Variants in TAFA1 observed in about 807,000 individuals in gnomAD.
TAFA1 encodes chemokine-like protein TAFA-1.
In TAFA1, 4 loss-of-function variants were observed where a neutral mutation model predicts 18.5. That is an observed-to-expected ratio of 0.22 (90% CI 0.11 to 0.49). The LOEUF (loss-of-function observed/expected upper bound fraction) is 0.49, where lower values mean the gene tolerates loss of function less well. Ranked by LOEUF, TAFA1 falls within the 20% of genes least tolerant of loss-of-function variation. The probability of loss-of-function intolerance (pLI) is 0.98; values close to 1 mark genes in which losing one functional copy is unlikely to be tolerated. For synonymous variants in TAFA1, 56 were observed against 55.2 expected (o/e 1.01, Z -0.06); for missense variants, 147 against 169.0 (o/e 0.87, Z 0.72).
intron 2 of TAFA1, among the ~76,000 whole-genome samples, chr3:68,219,734 C>A (rs1333258310): frequency 1.3e-5 from 2 of 152,186 alleles, no homozygotes; most frequent in East Asian, 3.9e-4. Flanking sequence ...GATTAGTAAC[C>A]TAATCAAGGG....
chr3:67,999,975 G>A (rs1704267217), upstream of TAFA1, among the ~76,000 whole-genome samples: 2 of 152,044 alleles, frequency 1.3e-5, no homozygotes, highest in Non-Finnish European at 2.9e-5. Flanking sequence ...TTTTAGTAGA[G>A]ACAGGGTTTC....
At chr3:68,028,638 C>T (rs1704867222) in intron 2 of TAFA1, among the ~76,000 whole-genome samples, 1 of 152,078 alleles carries the variant, frequency 6.6e-6, no homozygotes, top group Admixed American at 6.6e-5. Flanking sequence ...TGGATGCTGA[C>T]TTGTGGATTG....
intron 2 of TAFA1, among the ~76,000 whole-genome samples, chr3:68,009,370 A>G (rs1240625896): frequency 3.3e-5 from 5 of 152,218 alleles, no homozygotes. Flanking sequence ...TTTAAAACTG[A>G]GAATCACATA....
intron 3 of TAFA1, among the ~76,000 whole-genome samples, chr3:68,422,385 C>A (rs1344048037): frequency 6.6e-6 from 1 of 152,084 alleles, no homozygotes; most frequent in Non-Finnish European, 1.5e-5. Flanking sequence ...ATAGTTTATA[C>A]ACCACGTTTG....
At chr3:68,475,014 C>T (rs945903165) in intron 3 of TAFA1, among the ~76,000 whole-genome samples, 1 of 151,802 alleles carries the variant, frequency 6.6e-6, no homozygotes, top group Non-Finnish European at 1.5e-5. Context: ...ACTTCTTTAT[C>T]AAAGAAGCTC....
intron 2 of TAFA1, among the ~76,000 whole-genome samples, chr3:68,304,204 A>G (rs4855326): frequency 0.026 from 3,944 of 152,338 alleles, 88 homozygotes; most frequent in East Asian, 0.098. Context: ...AATGATATAT[A>G]CTTGATATGA....
intron 2 of TAFA1, among the ~76,000 whole-genome samples, chr3:68,261,074 GA>G (rs897071618): frequency 2.3e-4 from 33 of 146,406 alleles, no homozygotes; most frequent in Non-Finnish European, 2.9e-4. Context: ...AAATTTACAA[GA>G]AAAAAAAAAC....
At chr3:68,483,116 C>T (rs890922501) in intron 3 of TAFA1, among the ~76,000 whole-genome samples, 1 of 152,256 alleles carries the variant, frequency 6.6e-6, no homozygotes, top group African/African-American at 2.4e-5. Flanking sequence ...GCATCCAGGC[C>T]TCAGCAAGTA....
intron 2 of TAFA1, among the ~76,000 whole-genome samples, chr3:68,093,236 C>G (rs571025944): frequency 1.3e-5 from 2 of 152,160 alleles, no homozygotes; most frequent in Admixed American, 1.3e-4. Flanking sequence ...GTCACTGAGC[C>G]TCTTTCTGTA....
intron 2 of TAFA1, among the ~76,000 whole-genome samples, chr3:68,082,700 C>G (rs73834818): frequency 6.6e-6 from 1 of 151,986 alleles, no homozygotes; most frequent in Non-Finnish European, 1.5e-5. Context: ...TATTATAATA[C>G]TTTGTTTATG....
chr3:68,120,177 CTTT>C (rs2065374972), intron 2 of TAFA1, among the ~76,000 whole-genome samples: 2 of 15,740 alleles, frequency 1.3e-4, no homozygotes, highest in Admixed American at 1.8e-3. Context: ...CTTTCTCTTT[CTTT>C]CTTTCTTTCT....
intron 2 of TAFA1, among the ~76,000 whole-genome samples, chr3:68,271,676 C>A (rs556173441): frequency 6.6e-6 from 1 of 151,976 alleles, no homozygotes. Flanking sequence ...GTGTTTGTGT[C>A]GAATACCCCA....
chr3:68,036,815 A>G (rs1308991079), intron 2 of TAFA1, among the ~76,000 whole-genome samples: 2 of 152,218 alleles, frequency 1.3e-5, no homozygotes, highest in Non-Finnish European at 2.9e-5. Context: ...CCAAAGAGAT[A>G]CTGACTTCAA....
At chr3:68,378,482 G>T (rs1318273829) in intron 2 of TAFA1, among the ~76,000 whole-genome samples, 2 of 152,040 alleles carry the variant, frequency 1.3e-5, no homozygotes, top group African/African-American at 4.8e-5. Flanking sequence ...TGATTTTTTA[G>T]GCTCATAAAA....
chr3:68,374,088 T>TTGCC (rs1467209207), intron 2 of TAFA1, among the ~76,000 whole-genome samples: 4 of 152,118 alleles, frequency 2.6e-5, no homozygotes, highest in African/African-American at 9.7e-5. Flanking sequence ...ACCCTCCTCT[T>TTGCC]TGCATCTCTA....
At chr3:68,171,814 A>T (rs1199571850) in intron 2 of TAFA1, among the ~76,000 whole-genome samples, 1 of 152,188 alleles carries the variant, frequency 6.6e-6, no homozygotes, top group Non-Finnish European at 1.5e-5. Context: ...AAAAAAAATC[A>T]ATGGCAAATC....
chr3:68,416,239 C>T (rs1358057564), intron 2 of TAFA1, among the ~76,000 whole-genome samples: 2 of 152,164 alleles, frequency 1.3e-5, no homozygotes, highest in African/African-American at 2.4e-5. Flanking sequence ...TTCTCTCCTT[C>T]CTTTCTCCCT....
At position 68,081,167 on chromosome 3, in the gene TAFA1, C is replaced by G. The variant is rs906702612; in HGVS notation, c.118+74423C>G. 3.9e-5 allele frequency among the ~76,000 whole-genome samples: 6 copies of G among 152,318 alleles called. No individual in the cohort carries two copies. In the South Asian group the frequency reaches 1.2e-3, roughly 32 times the overall value. ...GAGCCTTGGTTTTCATCTCCATCAGCTCCTTTAAGCACTTCTTTGTATTGG... is the reference window on the plus strand; with the variant it reads ...GAGCCTTGGTTTTCATCTCCATCAGGTCCTTTAAGCACTTCTTTGTATTGG... On this transcript the variant is annotated intron_variant, in intron 2 of 4. Transcript: ENST00000478136.
intron 2 of TAFA1, among the ~76,000 whole-genome samples, chr3:68,131,300 T>C (rs2065533585): frequency 6.6e-6 from 1 of 152,076 alleles, no homozygotes; most frequent in South Asian, 2.1e-4. Flanking sequence ...CATAATCATC[T>C]CTGAACACAC....
Sources: allele counts gnomAD v4.1 joint callset (sites outside exome capture counted in the v4.1 genomes callset), GRCh38; gene constraint gnomAD v4.1.1; transcripts MANE v1.5; gene names NCBI Gene and HGNC (gene_info 2026-07-23, HGNC 2026-07-21).